The following NEK7 variants were observed in gnomAD, a reference collection of about 807,000 sequenced individuals.
NEK7 encodes serine/threonine-protein kinase Nek7.
Under a neutral mutation model 44.6 loss-of-function variants are expected in NEK7, and 18 were observed. The observed-to-expected ratio is 0.40, with a 90% confidence interval of 0.28 to 0.60. NEK7 has a LOEUF of 0.60. NEK7 is among the 20% of genes least tolerant of loss of function. The probability of loss-of-function intolerance (pLI) is 0.38; values close to 1 mark genes in which losing one functional copy is unlikely to be tolerated. For missense variants in NEK7, 256 were observed against 366.5 expected (o/e 0.70, Z 2.46); for synonymous variants, 130 against 121.1 (o/e 1.07, Z -0.48).
intron 2 of NEK7, chr1:198,245,214 A>C (rs1394939407): frequency 5.9e-6 from 1 of 169,284 alleles, no homozygotes; most frequent in Non-Finnish European, 1.5e-5. Flanking sequence ...AAAGAGAAGG[A>C]GTTTCTTGCT....
At chr1:198,296,793 A>G (rs1170733821) in intron 8 of NEK7, among the ~76,000 whole-genome samples, 2 of 152,164 alleles carry the variant, frequency 1.3e-5, no homozygotes, top group Non-Finnish European at 2.9e-5. Flanking sequence ...TGTGAGATAT[A>G]GTAGTTGTTT....
At chr1:198,216,169 C>T (rs1486890150) in intron 1 of NEK7, among the ~76,000 whole-genome samples, 1 of 151,982 alleles carries the variant, frequency 6.6e-6, no homozygotes, top group East Asian at 1.9e-4. Flanking sequence ...CCAAGATAGA[C>T]CATATGATAG....
At chr1:198,172,863 A>G (rs1157592061) in intron 1 of NEK7, among the ~76,000 whole-genome samples, 3 of 151,968 alleles carry the variant, frequency 2.0e-5, no homozygotes, top group Non-Finnish European at 4.4e-5. Flanking sequence ...TCAATTCTTG[A>G]TTAAATCTAT....
intron 1 of NEK7, among the ~76,000 whole-genome samples, chr1:198,194,506 C>CCCTCTATGTGTCCGTTGTTTG (rs1323608619): frequency 1.2e-3 from 188 of 152,126 alleles, no homozygotes; most frequent in African/African-American, 4.5e-3. Context: ...TCTGTTGTTT[C>CCCTCTATGTGTCCGTTGTTTG]CCTCTATGTG....
intron 9 of NEK7, among the ~76,000 whole-genome samples, chr1:198,305,031 A>C (rs1654985189): frequency 1.3e-5 from 2 of 152,170 alleles, no homozygotes; most frequent in African/African-American, 4.8e-5. Context: ...TAAAAGCAAC[A>C]AAGTAGACAT....
chr1:198,158,926 A>T (rs933521551), intron 1 of NEK7, among the ~76,000 whole-genome samples: 1 of 152,008 alleles, frequency 6.6e-6, no homozygotes, highest in African/African-American at 2.4e-5. Context: ...TGCCTCTCGG[A>T]GGAGTCAAAG....
chr1:198,279,786 A>G (rs1160973887), intron 7 of NEK7, among the ~76,000 whole-genome samples: 1 of 152,006 alleles, frequency 6.6e-6, no homozygotes, highest in Non-Finnish European at 1.5e-5. Context: ...ATAACAAAAT[A>G]GTGAAATGAG....
intron 9 of NEK7, among the ~76,000 whole-genome samples, chr1:198,305,488 T>C (rs1654998341): frequency 6.6e-6 from 1 of 151,876 alleles, no homozygotes; most frequent in Admixed American, 6.6e-5. Context: ...TTATTTGATA[T>C]CTGGAAAAAA....
At chr1:198,174,784 G>A (rs1010953140) in intron 1 of NEK7, among the ~76,000 whole-genome samples, 1 of 151,958 alleles carries the variant, frequency 6.6e-6, no homozygotes, top group South Asian at 2.1e-4. Context: ...GGGGGACAGG[G>A]TCTTGCTCTG....
Position 198,160,033 on chromosome 1 carries a change from GC to G in NEK7, c.-29+2758del, listed in dbSNP as rs1664055998. On this transcript the variant is annotated intron_variant, in intron 1 of 9. Coordinates refer to ENST00000367385, the MANE Select transcript of NEK7 (RefSeq NM_133494.3). ...TTCTTTTTTTTTCCCCTCAATTATT[GC>G]GCATTTACTGAAATATAGACTTCTT... Among the ~76,000 whole-genome samples the G allele has an allele frequency of 2.0e-5, 3 of 151,380 alleles. No homozygotes were observed. The South Asian group carries it at 6.2e-4, about 32-fold the overall frequency.
chr1:198,196,046 G>A (rs1046087304), intron 1 of NEK7, among the ~76,000 whole-genome samples: 3 of 152,108 alleles, frequency 2.0e-5, no homozygotes, highest in African/African-American at 7.2e-5. Context: ...GTCTTAGTAT[G>A]ATGATTAAGA....
At chr1:198,192,118 A>G (rs973533228) in intron 1 of NEK7, among the ~76,000 whole-genome samples, 2 of 151,908 alleles carry the variant, frequency 1.3e-5, no homozygotes, top group Admixed American at 6.6e-5. Flanking sequence ...ACAAATACAC[A>G]TACATACTTT....
At chr1:198,243,234 A>G (rs185777285) in intron 2 of NEK7, among the ~76,000 whole-genome samples, 3 of 152,316 alleles carry the variant, frequency 2.0e-5, no homozygotes, top group East Asian at 1.9e-4. Context: ...GTCACATTCT[A>G]TATCACATCA....
At chr1:198,226,890 T>C (rs1666243857) in intron 1 of NEK7, among the ~76,000 whole-genome samples, 1 of 151,850 alleles carries the variant, frequency 6.6e-6, no homozygotes, top group Non-Finnish European at 1.5e-5. Flanking sequence ...CATTATACTT[T>C]AAGTTTTAGG....
intron 1 of NEK7, among the ~76,000 whole-genome samples, chr1:198,212,125 G>A (rs1665792127): frequency 6.6e-6 from 1 of 152,220 alleles, no homozygotes; most frequent in African/African-American, 2.4e-5. Flanking sequence ...GGACCTCACG[G>A]AAGTCAGCCA....
chr1:198,243,027 C>T (rs890632385), intron 2 of NEK7, among the ~76,000 whole-genome samples: 1 of 152,100 alleles, frequency 6.6e-6, no homozygotes, highest in Admixed American at 6.5e-5. Flanking sequence ...GCTCACCGTA[C>T]TCCAGCCACA....
chr1:198,258,644 A>G (rs1653353058), intron 3 of NEK7, among the ~76,000 whole-genome samples: 1 of 152,198 alleles, frequency 6.6e-6, no homozygotes, highest in Non-Finnish European at 1.5e-5. Flanking sequence ...TAATTTTGGC[A>G]AAATTTTAAG....
At chr1:198,174,621 A>G (rs1460392990) in intron 1 of NEK7, among the ~76,000 whole-genome samples, 3 of 152,202 alleles carry the variant, frequency 2.0e-5, no homozygotes, top group African/African-American at 7.2e-5. Flanking sequence ...ATTGCAGAGG[A>G]CATCAGAAGA....
At chr1:198,199,802 A>T (rs1571524798) in intron 1 of NEK7, among the ~76,000 whole-genome samples, 2 of 152,162 alleles carry the variant, frequency 1.3e-5, no homozygotes, top group African/African-American at 4.8e-5. Context: ...TCTTTCAAAA[A>T]ATGTTTTTAT....
Sources: gnomAD v4.1 joint callset for allele counts (sites outside exome capture counted in the v4.1 genomes callset) on GRCh38, gnomAD v4.1.1 for gene constraint, MANE v1.5 for transcripts, NCBI Gene and HGNC (gene_info 2026-07-23, HGNC 2026-07-21) for gene names.